The following GRAMD4 variants were observed in gnomAD, a reference collection of about 807,000 sequenced individuals.
GRAMD4 encodes GRAM domain containing 4, also known as GRAM domain-containing protein 4.
GRAMD4 carries 25 observed loss-of-function variants against 83.9 expected under a neutral mutation model. That is an observed-to-expected ratio of 0.30 (90% confidence interval 0.22 to 0.42). The LOEUF (loss-of-function observed/expected upper bound fraction) is 0.42. Among genes scored for constraint, GRAMD4 ranks in the 10% least tolerant of loss-of-function variants. The pLI, the probability that GRAMD4 is intolerant of heterozygous loss-of-function variation, is 1.00. For synonymous variants in GRAMD4, 336 were observed against 320.9 expected (o/e 1.05, Z -0.50); for missense variants, 593 against 788.7 (o/e 0.75, Z 2.97).
At chr22:46,637,060 C>CG (rs2081900329) in intron 2 of GRAMD4, among the ~76,000 whole-genome samples, 1 of 152,112 alleles carries the variant, frequency 6.6e-6, no homozygotes, top group African/African-American at 2.4e-5. Context: ...CCCTTCTGCC[C>CG]GGGGGCCAGT....
intron 3 of GRAMD4, among the ~76,000 whole-genome samples, chr22:46,653,239 T>C (rs2082194014): frequency 1.3e-5 from 2 of 152,232 alleles, no homozygotes; most frequent in Admixed American, 1.3e-4. Flanking sequence ...TGCCGCCCGC[T>C]GCCCCGGGAG....
At position 46,679,101 on chromosome 22, in the gene GRAMD4, G is replaced by A; in HGVS notation, c.*1850G>A. ...AGGGTGGGCACTGACCCACCCCCAG[G>A]GGCGGCTGCAGAGGCAGTGCCCGCA... On this transcript the variant is annotated 3_prime_UTR_variant, in exon 19 of 19. Transcript: ENST00000406902. 2 of 985,556 alleles carry A rather than the reference G, an allele frequency of 2.0e-6. No homozygotes were observed. Among genetic ancestry groups the A allele is most frequent in the Non-Finnish European group, 2.4e-6 (2 of 829,986 alleles). The allele number at this position is 985,556 out of a possible 1,614,324, so 61.1% of individuals were successfully genotyped here. A position where few individuals can be genotyped will look rare whatever the true frequency, so the allele number is the denominator to read the frequency against.
At chr22:46,623,397 A>AT (rs1028173402) in intron 1 of GRAMD4, among the ~76,000 whole-genome samples, 69 of 151,542 alleles carry the variant, frequency 4.6e-4, no homozygotes, top group African/African-American at 1.1e-3. Context: ...ATTTTATTTT[A>AT]TTTTTTTTGA....
At chr22:46,577,767 C>G (rs564680791) in intron 1 of GRAMD4, among the ~76,000 whole-genome samples, 1 of 152,346 alleles carries the variant, frequency 6.6e-6, no homozygotes, top group African/African-American at 2.4e-5. Flanking sequence ...GGGCGCTTGT[C>G]CCCTCCGTGC....
intron 16 of GRAMD4, among the ~76,000 whole-genome samples, chr22:46,675,113 G>C (rs139519863): frequency 6.6e-6 from 1 of 152,212 alleles, no homozygotes; most frequent in Non-Finnish European, 1.5e-5. Flanking sequence ...AGCAGTGGCC[G>C]TGAGTGTCTC....
chr22:46,601,048 G>A (rs962707407), intron 1 of GRAMD4, among the ~76,000 whole-genome samples: 1 of 152,146 alleles, frequency 6.6e-6, no homozygotes, highest in African/African-American at 2.4e-5. Flanking sequence ...GGAGACTGGG[G>A]CAGGAGAATC....
intron 1 of GRAMD4, among the ~76,000 whole-genome samples, chr22:46,610,824 T>G (rs1056456615): frequency 6.6e-6 from 1 of 152,248 alleles, no homozygotes; most frequent in African/African-American, 2.4e-5. Flanking sequence ...GTGTGTTTCC[T>G]GTGGCTTAGT....
intron 3 of GRAMD4, among the ~76,000 whole-genome samples, chr22:46,652,461 C>T (rs1036243691): frequency 2.6e-5 from 4 of 152,194 alleles, no homozygotes; most frequent in South Asian, 2.1e-4. Flanking sequence ...TAAGAGAATA[C>T]GTTTGTGTTG....
chr22:46,666,686 T>C, intron 9 of GRAMD4, 139 bp from the exon 10 acceptor site: 1 of 709,804 alleles, frequency 1.4e-6, no homozygotes, highest in Non-Finnish European at 2.5e-6. Flanking sequence ...GGAGGGACCT[T>C]TTCTCCCCAT....
At chr22:46,639,941 C>G (rs1360924279) in intron 3 of GRAMD4, among the ~76,000 whole-genome samples, 1 of 152,132 alleles carries the variant, frequency 6.6e-6, no homozygotes, top group African/African-American at 2.4e-5. Flanking sequence ...GTCCTGGTGA[C>G]CTGCCGCCTG....
chr22:46,611,961 C>T (rs1175603525), intron 1 of GRAMD4, among the ~76,000 whole-genome samples: 2 of 136,396 alleles, frequency 1.5e-5, no homozygotes, highest in Non-Finnish European at 3.1e-5. Context: ...TACACCACTG[C>T]ATTCCAGCCT....
At chr22:46,600,663 G>A (rs575808128) in intron 1 of GRAMD4, among the ~76,000 whole-genome samples, 5 of 152,292 alleles carry the variant, frequency 3.3e-5, no homozygotes, top group Middle Eastern at 3.4e-3. Context: ...AGCCCCGGTC[G>A]CAGAGCCCCT....
chr22:46,672,047 G>GGCAGCGAGACAGCCCCCAGCACTGGGA lies in GRAMD4; in HGVS notation c.1085-794_1085-768dup, dbSNP rs1431969963. ...CTGGTCTGGCGGGCTGTGCACTGGG[G>GGCAGCGAGACAGCCCCCAGCACTGGGA]GCAGCGAGACAGCCCCCAGCACTGG... On this transcript the variant is annotated intron_variant, in intron 13 of 18. Transcript: ENST00000406902. This position sits in a 1 kb window ranked among gnomAD's most constrained non-coding sequence, Gnocchi z 4.7. Among the ~76,000 whole-genome samples the GGCAGCGAGACAGCCCCCAGCACTGGGA allele has an allele frequency of 2.6e-5, 4 of 152,234 alleles. No individual in the cohort carries two copies. Among genetic ancestry groups the GGCAGCGAGACAGCCCCCAGCACTGGGA allele is most frequent in the Non-Finnish European group, 5.9e-5 (4 of 68,040 alleles).
chr22:46,638,219 G>T (rs892957137), intron 3 of GRAMD4, among the ~76,000 whole-genome samples: 11 of 152,266 alleles, frequency 7.2e-5, no homozygotes, highest in Admixed American at 2.0e-4. Context: ...GGGGCTGGGG[G>T]CGTGGGGGCC....
At chr22:46,648,947 G>GATGGATGGATGCATGGATGCATGGATGC (rs2082124683) in intron 3 of GRAMD4, among the ~76,000 whole-genome samples, 4 of 80,164 alleles carry the variant, frequency 5.0e-5, no homozygotes, top group African/African-American at 1.4e-4. Flanking sequence ...TGGATGGATG[G>GATGGATGGATGCATGGATGCATGGATGC]ATGGATGGAT....
At chr22:46,629,093 CG>C (rs991976331) in intron 2 of GRAMD4, among the ~76,000 whole-genome samples, 15 of 152,028 alleles carry the variant, frequency 9.9e-5, no homozygotes, top group African/African-American at 3.1e-4. Flanking sequence ...TGAGGGGCTG[CG>C]GGGGGAAACC....
chr22:46,663,259 A>G (rs1171381363), intron 6 of GRAMD4, 87 bp downstream of exon 6: 2 of 1,276,556 alleles, frequency 1.6e-6, no homozygotes, highest in East Asian at 2.3e-5. Flanking sequence ...ATCCTTTATC[A>G]CCGTGGGCCA....
chr22:46,594,253 G>T (rs980543230), intron 1 of GRAMD4, among the ~76,000 whole-genome samples: 39 of 151,506 alleles, frequency 2.6e-4, no homozygotes, highest in African/African-American at 8.7e-4. Flanking sequence ...CTCTGCCTGG[G>T]TCCACACTGT....
rs774032395 is a variant in GRAMD4 at position 46,609,114 on chromosome 22, AC to A, written c.-49-17636del. On this transcript the variant is annotated intron_variant, in intron 1 of 1. Coordinates refer to the GRAMD4 transcript ENST00000431155. ...TAAGACCTTGTCTCTAAAAAAAAAA[AC>A]AACAACAACCCGAAAAGCCCAAAAC... Among the ~76,000 whole-genome samples, 309 of 150,802 alleles carry A rather than the reference AC, an allele frequency of 2.0e-3. 1 individual carries two copies. The Middle Eastern group carries it at 0.024, about 12-fold the overall frequency.
Sources: allele counts gnomAD v4.1 joint callset (sites outside exome capture counted in the v4.1 genomes callset), GRCh38; gene constraint gnomAD v4.1.1; non-coding constraint Gnocchi (gnomAD v3.1); transcripts MANE v1.5; gene names NCBI Gene and HGNC (gene_info 2026-07-23, HGNC 2026-07-21).